The following GRIK5 variants were observed in gnomAD, a reference collection of about 807,000 sequenced individuals.
GRIK5 encodes glutamate receptor ionotropic, kainate 5.
GRIK5 carries 43 observed loss-of-function variants against 97.4 expected under a neutral mutation model. The ratio of observed to expected loss-of-function variants is 0.44; its 90% CI spans 0.35 to 0.57. GRIK5 has a LOEUF of 0.57. Among genes scored for constraint, GRIK5 ranks in the 20% least tolerant of loss-of-function variants. GRIK5 has a pLI of 0.01. For missense variants in GRIK5, 1,015 were observed against 1,382.0 expected (o/e 0.73, Z 4.21); for synonymous variants, 580 against 583.5 (o/e 0.99, Z 0.09).
chr19:42,049,981 T>C (rs887984426), intron 11 of GRIK5, among the ~76,000 whole-genome samples: 18 of 152,068 alleles, frequency 1.2e-4, no homozygotes, highest in African/African-American at 3.9e-4. Flanking sequence ...TCTGTCGCCC[T>C]GGCAGTGGTA....
At chr19:42,029,471 G>A (rs1311244545) in intron 12 of GRIK5, among the ~76,000 whole-genome samples, 1 of 152,082 alleles carries the variant, frequency 6.6e-6, no homozygotes, top group African/African-American at 2.4e-5. Context: ...AGCCAGGCTT[G>A]GTGGCAGGCG....
chr19:42,007,835 C>T (rs1313912525), intron 15 of GRIK5, among the ~76,000 whole-genome samples: 4 of 152,016 alleles, frequency 2.6e-5, no homozygotes, highest in Middle Eastern at 3.4e-3. Flanking sequence ...TCAGTAGAGA[C>T]CCAAAAGTGT....
intron 12 of GRIK5, among the ~76,000 whole-genome samples, chr19:42,037,476 C>T (rs775164038): frequency 2.0e-5 from 3 of 152,086 alleles, no homozygotes; most frequent in Non-Finnish European, 4.4e-5. Flanking sequence ...AAAACAAAAA[C>T]AAACAAACAA....
intron 11 of GRIK5, among the ~76,000 whole-genome samples, chr19:42,050,514 C>T (rs763620603): frequency 4.6e-5 from 7 of 151,894 alleles, no homozygotes; most frequent in Non-Finnish European, 8.8e-5. Context: ...AAAAAAAAGC[C>T]GGGTGTGGTG....
At position 42,005,844 on chromosome 19, in the gene GRIK5, G is replaced by T. The variant is rs2075482574; in HGVS notation, c.2142C>A (p.Asn714Lys). 1 of 1,612,864 alleles carries T rather than the reference G, an allele frequency of 6.2e-7. No individual in the cohort carries two copies. Among genetic ancestry groups the T allele is most frequent in the African/African-American group, 1.3e-5 (1 of 74,918 alleles). The change falls in exon 17 of 20, where the codon AAC becomes AAA. Residue 714 changes from asparagine (N) to lysine (K), a missense_variant. By Grantham distance (94) the Asn-to-Lys change is moderately conservative. Around this residue, in one of 5 missense-constraint regions of GRIK5, gnomAD observed 229 missense variants for 341.0 expected, o/e 0.67. Coordinates refer to ENST00000593562, the MANE Select transcript of GRIK5 (RefSeq NM_002088.5). ...ACTCGAGCAGGAAGGCGTAGCGGGAGTTGAGGACGCGGGCAATGCCCTCTT... is the reference window on the plus strand; with the variant it reads ...ACTCGAGCAGGAAGGCGTAGCGGGATTTGAGGACGCGGGCAATGCCCTCTT... ...STEEGIARVL[N>K]SRYAFLLEST...
intron 15 of GRIK5, among the ~76,000 whole-genome samples, chr19:42,017,001 C>T (rs553227915): frequency 1.1e-4 from 16 of 151,858 alleles, no homozygotes; most frequent in South Asian, 2.1e-4. Context: ...TTGTTTTAAT[C>T]GAGGGATGAC....
intron 6 of GRIK5, among the ~76,000 whole-genome samples, chr19:42,057,978 G>A (rs539548188): frequency 7.7e-4 from 117 of 152,246 alleles, no homozygotes; most frequent in African/African-American, 2.7e-3. Flanking sequence ...CTCTCATCAC[G>A]TGGGTGTCAG....
At chr19:42,041,516 A>G (rs185578944) in intron 12 of GRIK5, among the ~76,000 whole-genome samples, 10 of 152,268 alleles carry the variant, frequency 6.6e-5, no homozygotes, top group African/African-American at 1.9e-4. Flanking sequence ...TATTATCCCC[A>G]TCTTAGGGAG....
chr19:42,044,526 G>C (rs934098677), intron 11 of GRIK5, among the ~76,000 whole-genome samples: 3 of 152,218 alleles, frequency 2.0e-5, no homozygotes, highest in African/African-American at 7.2e-5. Flanking sequence ...GGCATGTGAT[G>C]ATGGTAACAA....
chr19:42,014,833 T>C (rs566146048), intron 15 of GRIK5, among the ~76,000 whole-genome samples: 1 of 152,252 alleles, frequency 6.6e-6, no homozygotes, highest in Admixed American at 6.5e-5. Flanking sequence ...GATGGGAGAA[T>C]CACTTGAGCC....
intron 15 of GRIK5, among the ~76,000 whole-genome samples, chr19:42,008,853 T>G (rs1555873402): frequency 6.6e-6 from 1 of 152,166 alleles, no homozygotes; most frequent in Non-Finnish European, 1.5e-5. Context: ...ACAGAACTTT[T>G]AGAGAATGAT....
At chr19:42,061,892 C>G (rs961072935) in intron 5 of GRIK5, among the ~76,000 whole-genome samples, 2 of 152,232 alleles carry the variant, frequency 1.3e-5, no homozygotes, top group Admixed American at 6.5e-5. Context: ...GGCGTGGGGA[C>G]TTCCCATGGC....
chr19:42,025,643 T>C (rs2075762632), intron 12 of GRIK5, among the ~76,000 whole-genome samples: 1 of 152,206 alleles, frequency 6.6e-6, no homozygotes, highest in South Asian at 2.1e-4. Context: ...TCAAGCCTCC[T>C]GATTTTGACC....
chr19:42,056,292 C>A (rs530894043), intron 8 of GRIK5, among the ~76,000 whole-genome samples: 1 of 152,226 alleles, frequency 6.6e-6, no homozygotes, highest in African/African-American at 2.4e-5. Flanking sequence ...CCAAGTTTAC[C>A]ATTTTTTAAA....
chr19:42,063,170 C>T (rs1425307462), intron 3 of GRIK5: 2 of 491,084 alleles, frequency 4.1e-6, no homozygotes, highest in East Asian at 1.1e-4. Flanking sequence ...AGTCCCTCAG[C>T]CACTGTTGTT....
At chr19:42,007,859 T>C (rs2075512011) in intron 15 of GRIK5, among the ~76,000 whole-genome samples, 1 of 151,972 alleles carries the variant, frequency 6.6e-6, no homozygotes, top group African/African-American at 2.4e-5. Context: ...ATACTAGAAA[T>C]AGGATTAAGT....
At chr19:42,018,849 G>A (rs1005740978) in intron 15 of GRIK5, among the ~76,000 whole-genome samples, 1 of 152,116 alleles carries the variant, frequency 6.6e-6, no homozygotes, top group Admixed American at 6.5e-5. Context: ...GCAAGTCCTC[G>A]AGGGTGATGG....
intron 15 of GRIK5, among the ~76,000 whole-genome samples, chr19:42,017,793 T>C (rs1423915639): frequency 6.6e-6 from 1 of 152,088 alleles, no homozygotes; most frequent in Non-Finnish European, 1.5e-5. Flanking sequence ...ACTGGCTAGA[T>C]CTGAGGTTTT....
intron 8 of GRIK5, 27 bp from the exon 9 acceptor site, chr19:42,054,499 G>T: frequency 6.2e-7 from 1 of 1,605,596 alleles, no homozygotes; most frequent in Non-Finnish European, 8.5e-7. Flanking sequence ...GCGGGGGTGG[G>T]ATGGATAAGA....
Sources: gnomAD v4.1 joint callset for allele counts (sites outside exome capture counted in the v4.1 genomes callset) on GRCh38, gnomAD v4.1.1 for gene constraint, gnomAD v4.1.1 regional missense constraint, MANE v1.5 for transcripts, NCBI Gene and HGNC (gene_info 2026-07-23, HGNC 2026-07-21) for gene names.